Variants in BCAS3 observed in about 807,000 individuals in gnomAD.
BCAS3 encodes BCAS3 microtubule associated cell migration factor, also known as BCAS4/BCAS3 fusion.
BCAS3 carries 53 observed loss-of-function variants against 116.1 expected under a neutral mutation model. The observed-to-expected ratio is 0.46, with a 90% CI of 0.37 to 0.57. BCAS3 has a LOEUF of 0.57. Among genes scored for constraint, BCAS3 ranks in the 20% least tolerant of loss-of-function variants. BCAS3 has a pLI of 0.00. For synonymous variants in BCAS3, 391 were observed against 408.2 expected (o/e 0.96, Z 0.51); for missense variants, 917 against 1,165.4 (o/e 0.79, Z 3.10).
intron 12 of BCAS3, among the ~76,000 whole-genome samples, chr17:60,916,585 T>C (rs2058790010): frequency 1.3e-5 from 2 of 152,200 alleles, no homozygotes; most frequent in Non-Finnish European, 2.9e-5. Flanking sequence ...TTTTAATGAA[T>C]TTATAAGATT....
chr17:61,342,660 G>A (rs1476981433), intron 22 of BCAS3, among the ~76,000 whole-genome samples: 1 of 152,168 alleles, frequency 6.6e-6, no homozygotes, highest in African/African-American at 2.4e-5. Flanking sequence ...TTACAGTCCT[G>A]GGCAGACAGA....
At chr17:60,825,991 G>T (rs149852584) in intron 7 of BCAS3, among the ~76,000 whole-genome samples, 2,485 of 151,406 alleles carry the variant, frequency 0.016, 59 homozygotes, top group East Asian at 0.089. Flanking sequence ...CCAAGTAGCT[G>T]GGATTACAGG....
chr17:61,306,802 A>G (rs2053894348), intron 22 of BCAS3, among the ~76,000 whole-genome samples: 1 of 152,208 alleles, frequency 6.6e-6, no homozygotes, highest in African/African-American at 2.4e-5. Flanking sequence ...TCAAAAGAAA[A>G]AAAAACAAAG....
intron 17 of BCAS3, among the ~76,000 whole-genome samples, chr17:61,035,712 C>A (rs1208989063): frequency 6.6e-6 from 1 of 152,032 alleles, no homozygotes; most frequent in Non-Finnish European, 1.5e-5. Context: ...ACATCCAAGA[C>A]CTCCAGTGGA....
intron 22 of BCAS3, among the ~76,000 whole-genome samples, chr17:61,137,922 A>G (rs1477493552): frequency 6.6e-6 from 1 of 152,172 alleles, no homozygotes; most frequent in Non-Finnish European, 1.5e-5. Context: ...GTTTTCTTCC[A>G]TATCTTTAGA....
At chr17:61,240,587 G>T (rs753015144) in intron 22 of BCAS3, among the ~76,000 whole-genome samples, 40 of 152,228 alleles carry the variant, frequency 2.6e-4, no homozygotes, top group Non-Finnish European at 5.1e-4. Flanking sequence ...TCAGGAAGCA[G>T]AGGTTGCAGT....
chr17:60,908,552 A>G (rs904434950), intron 11 of BCAS3, among the ~76,000 whole-genome samples: 4 of 152,326 alleles, frequency 2.6e-5, no homozygotes, highest in South Asian at 2.1e-4. Context: ...CTTGACATCA[A>G]TACACTGTGG....
chr17:61,223,013 TC>T (rs1223619414), intron 22 of BCAS3, among the ~76,000 whole-genome samples: 2 of 152,196 alleles, frequency 1.3e-5, no homozygotes, highest in Non-Finnish European at 2.9e-5. Flanking sequence ...GTTCCCAAAA[TC>T]ACTAGTTTAA....
chr17:61,257,101 A>G (rs1340235740), intron 22 of BCAS3, among the ~76,000 whole-genome samples: 2 of 152,172 alleles, frequency 1.3e-5, no homozygotes, highest in Non-Finnish European at 2.9e-5. Context: ...GCTTAGGGAA[A>G]GAAACTCTAA....
intron 5 of BCAS3, among the ~76,000 whole-genome samples, chr17:60,742,270 G>A (rs1277782874): frequency 6.6e-6 from 1 of 152,062 alleles, no homozygotes; most frequent in South Asian, 2.1e-4. Context: ...TCAGAGTATT[G>A]TACAGTAGCC....
intron 6 of BCAS3, among the ~76,000 whole-genome samples, chr17:60,758,935 C>A (rs918604353): frequency 4.0e-5 from 6 of 150,898 alleles, no homozygotes; most frequent in Non-Finnish European, 1.5e-5. Flanking sequence ...TTACAAAATT[C>A]ATTTTGATGT....
At position 61,363,226 on chromosome 17, in the gene BCAS3, G is replaced by A. The variant is rs1173190034; in HGVS notation, c.2426-5101G>A. Among the ~76,000 whole-genome samples the A allele has an allele frequency of 1.3e-5, 2 of 152,200 alleles. No individual in the cohort carries two copies. The highest frequency in any genetic ancestry group is 4.8e-5 in the African/African-American group (2 of 41,450). On this transcript the variant is annotated intron_variant, in intron 22 of 23. Coordinates refer to ENST00000407086, the MANE Select transcript of BCAS3 (RefSeq NM_017679.5). The surrounding 1 kb of genome is among the most constrained non-coding windows in gnomAD (Gnocchi z 4.9). ...CCCAAAATTGCCCGCATAATTTTAT[G>A]TATGCAAGCACACATTTTTTGAGTA... is the stretch of plus-strand genomic sequence containing the variant.
chr17:61,091,188 C>G (rs1329300928), intron 22 of BCAS3, among the ~76,000 whole-genome samples: 1 of 152,326 alleles, frequency 6.6e-6, no homozygotes, highest in Non-Finnish European at 1.5e-5. Context: ...TTGCAAGCAT[C>G]AGGTCCTTGA....
intron 23 of BCAS3, chr17:61,383,880 G>A (rs2059720461): frequency 6.6e-6 from 1 of 152,404 alleles, no homozygotes; most frequent in African/African-American, 2.4e-5. Flanking sequence ...CCTGTGGTCT[G>A]CAGGGCTCAG....
At position 61,219,369 on chromosome 17, in the gene BCAS3, A is replaced by G. The variant is rs985300189; in HGVS notation, c.2425+134805A>G. ...TGGGAGTCATGCAGTGATCAGGTTC[A>G]GGACTTTTGGGTCAGACTTAACATG... On this transcript the variant is annotated intron_variant, in intron 22 of 23. Transcript: ENST00000407086. This position sits in a 1 kb window ranked among gnomAD's most constrained non-coding sequence, Gnocchi z 5.2. 3.9e-5 allele frequency among the ~76,000 whole-genome samples: 6 copies of G among 152,178 alleles called. No homozygotes were observed. Among genetic ancestry groups the G allele is most frequent in the Non-Finnish European group, 7.3e-5 (5 of 68,032 alleles).
At chr17:61,074,885 T>C in intron 19 of BCAS3, 35 bp from the exon 20 acceptor site, 1 of 1,471,384 alleles carries the variant, frequency 6.8e-7, no homozygotes. Flanking sequence ...CTGCATGGAA[T>C]GAAGTGGTTT....
Position 61,228,155 on chromosome 17 carries a change from C to T in BCAS3, c.2426-140172C>T, listed in dbSNP as rs1448864803. On this transcript the variant is annotated intron_variant, in intron 22 of 23. Coordinates refer to ENST00000407086, the MANE Select transcript of BCAS3 (RefSeq NM_017679.5). The surrounding 1 kb of genome is among the most constrained non-coding windows in gnomAD (Gnocchi z 5.0). ...TCCTCAATTTTCAGCAAGTAGGACT[C>T]CTTATTTGAAGGACAAGTACCTGGC... Among the ~76,000 whole-genome samples the T allele has an allele frequency of 6.6e-6, 1 of 152,124 alleles. No individual in the cohort carries two copies. Among genetic ancestry groups the T allele is most frequent in the African/African-American group, 2.4e-5 (1 of 41,420 alleles).
At chr17:61,016,373 A>G (rs866096117) in intron 16 of BCAS3, among the ~76,000 whole-genome samples, 1 of 152,230 alleles carries the variant, frequency 6.6e-6, no homozygotes, top group African/African-American at 2.4e-5. Flanking sequence ...TAGTGTCAGG[A>G]CAATGTGATG....
At position 61,352,545 on chromosome 17, in the gene BCAS3, G is replaced by A. The variant is rs1037102773; in HGVS notation, c.2426-15782G>A. On this transcript the variant is annotated intron_variant, in intron 22 of 23. Coordinates refer to ENST00000407086, the MANE Select transcript of BCAS3 (RefSeq NM_017679.5). This position sits in a 1 kb window ranked among gnomAD's most constrained non-coding sequence, Gnocchi z 4.7. The stretch of plus-strand genomic sequence containing the variant: ...TTGGCCTCGGTGGAGTAGAAGTGGA[G>A]GGAAGGAGGGGTGATGCTGACCCCA... Among the ~76,000 whole-genome samples, 1 of 152,142 alleles carries A rather than the reference G, an allele frequency of 6.6e-6. No homozygotes were observed. Among genetic ancestry groups the A allele is most frequent in the African/African-American group, 2.4e-5 (1 of 41,440 alleles).
Sources: gnomAD v4.1 joint callset for allele counts (sites outside exome capture counted in the v4.1 genomes callset) on GRCh38, gnomAD v4.1.1 for gene constraint, Gnocchi (gnomAD v3.1) non-coding constraint, MANE v1.5 for transcripts, NCBI Gene and HGNC (gene_info 2026-07-23, HGNC 2026-07-21) for gene names.